RBBP4: variants seen among roughly 807,000 people sequenced by gnomAD.
RBBP4 encodes histone-binding protein RBBP4.
A neutral mutation model predicts 57.2 loss-of-function variants in RBBP4; 3 were observed. The observed-to-expected ratio is 0.05, with a 90% CI of 0.02 to 0.14. RBBP4 has a LOEUF of 0.14. Ranked by LOEUF, RBBP4 falls within the 10% of genes least tolerant of loss-of-function variation. RBBP4 has a pLI of 1.00. For missense variants in RBBP4, 107 were observed against 520.6 expected (o/e 0.21, Z 7.73); for synonymous variants, 151 against 171.5 (o/e 0.88, Z 0.93).
intron 3 of RBBP4, among the ~76,000 whole-genome samples, chr1:32,659,331 C>G (rs1396024724): frequency 2.0e-5 from 3 of 151,728 alleles, no homozygotes; most frequent in Non-Finnish European, 4.4e-5. Flanking sequence ...GAGGCTGAGA[C>G]CAGTGGATCA....
In RBBP4 at chr1:32,663,523, G is replaced by A. The variant is rs190809256; in HGVS notation, c.311-4702G>A. 2.4e-3 allele frequency among the ~76,000 whole-genome samples: 367 copies of A among 150,678 alleles called. 2 individuals are homozygous for A. The highest frequency in any genetic ancestry group is 8.4e-3 in the African/African-American group (344 of 40,972). On this transcript the variant is annotated intron_variant, in intron 3 of 11. Transcript: ENST00000373493. ...GGTGTGATCACAGCTCACTGCAGCC[G>A]CAGCCTCCCAAGCAGCTAGGACTTA...
rs943093412 is a variant in RBBP4, at chr1:32,664,928, C to G, written c.311-3297C>G. Among the ~76,000 whole-genome samples the G allele has an allele frequency of 1.7e-4, 26 of 152,010 alleles. 1 individual carries two copies. Among genetic ancestry groups the G allele is most frequent in the African/African-American group, 6.3e-4 (26 of 41,386 alleles). ...TCCTAAACGTGCAATAGCATTATGT[C>G]TAAAAAACAATGTACATACCTTAAT... On this transcript the variant is annotated intron_variant, in intron 3 of 11. Coordinates refer to ENST00000373493, the MANE Select transcript of RBBP4 (RefSeq NM_005610.3).
At position 32,680,060 on chromosome 1, in the gene RBBP4, A is replaced by G. The variant is rs1649326165; in HGVS notation, c.*355A>G. ...CTAGAGTGAGTAAGGAATAGAGCCA[A>G]ATGAGGTAGGTGTCTGAGCCATGAA... On this transcript the variant is annotated 3_prime_UTR_variant, in exon 12 of 12. Transcript: ENST00000373493. The G allele has an allele frequency of 9.3e-7, 1 of 1,078,970 alleles. No individual in the cohort carries two copies. The highest frequency in any genetic ancestry group is 3.5e-5 in the South Asian group (1 of 28,834). The allele number at this position is 1,078,970 out of a possible 1,614,324, so 66.8% of individuals were successfully genotyped here.
intron 2 of RBBP4, among the ~76,000 whole-genome samples, chr1:32,655,363 T>C (rs1288158046): frequency 6.6e-6 from 1 of 151,446 alleles, no homozygotes. Context: ...TTTTCTGGTG[T>C]TTACCCAGAT....
chr1:32,668,819 C>T lies in RBBP4; in HGVS notation c.565C>T (p.Leu189Phe). Reference sequence around the variant, plus strand: ...CTATGGGCTTTCTTGGAACCCAAATCTCAGTGGGCACTTACTTAGTGCTTC... The same window carrying T: ...CTATGGGCTTTCTTGGAACCCAAATTTCAGTGGGCACTTACTTAGTGCTTC... ...EGYGLSWNPN[L>F]SGHLLSASDD... The change falls in exon 5 of 12, where the codon CTC (leucine) becomes TTC (phenylalanine). Residue 189 changes from leucine to phenylalanine, a missense_variant. Physicochemically the swap from Leu to Phe is conservative, Grantham distance 22. Transcript: ENST00000373493. The T allele has an allele frequency of 6.2e-7, 1 of 1,614,210 alleles. No individual in the cohort carries two copies. The highest frequency in any genetic ancestry group is 8.5e-7 in the Non-Finnish European group (1 of 1,180,036).
At chr1:32,665,864 C>G (rs2148524280) in intron 3 of RBBP4, among the ~76,000 whole-genome samples, 1 of 152,252 alleles carries the variant, frequency 6.6e-6, no homozygotes, top group Non-Finnish European at 1.5e-5. Flanking sequence ...GGGTCTGACT[C>G]TTACTTTGGA....
chr1:32,660,324 G>T (rs1648344864), intron 3 of RBBP4, among the ~76,000 whole-genome samples: 1 of 152,144 alleles, frequency 6.6e-6, no homozygotes, highest in Non-Finnish European at 1.5e-5. Flanking sequence ...TTAGCTGACT[G>T]CAGCCTCCTT....
At chr1:32,654,454 T>C (rs985482859) in intron 2 of RBBP4, among the ~76,000 whole-genome samples, 1 of 152,230 alleles carries the variant, frequency 6.6e-6, no homozygotes, top group Non-Finnish European at 1.5e-5. Context: ...TATAGTCATA[T>C]GCTAAATTGT....
chr1:32,653,891 C>T (rs574168687), intron 2 of RBBP4, among the ~76,000 whole-genome samples: 1 of 151,952 alleles, frequency 6.6e-6, no homozygotes, highest in East Asian at 1.9e-4. Flanking sequence ...ATCTCCTGAC[C>T]TCATGATCCA....
chr1:32,664,142 A>G (rs1042775831), intron 3 of RBBP4, among the ~76,000 whole-genome samples: 8 of 152,052 alleles, frequency 5.3e-5, no homozygotes, highest in African/African-American at 1.7e-4. Flanking sequence ...GTTAGCCAGC[A>G]TAGTCTTGAT....
intron 3 of RBBP4, among the ~76,000 whole-genome samples, chr1:32,661,870 CTTTTTTTTTTTTTTTTTTTT>C (rs71006354): frequency 6.1e-5 from 3 of 49,288 alleles, no homozygotes; most frequent in Non-Finnish European, 7.2e-5. Context: ...CCTTTGCCCA[CTTTTTTTTTTTTTTTTTTTT>C]TTTTTTTTTT....
In RBBP4 at chr1:32,668,756, A is replaced by C. The variant is rs1323485366; in HGVS notation, c.502A>C (p.Asn168His). Residue 168 changes from asparagine (N) to histidine (H), a missense_variant, in exon 5 of 12, where the codon AAC becomes CAC. Around this residue, in one of 3 missense-constraint regions of RBBP4, gnomAD observed 92 missense variants for 408.5 expected, o/e 0.23. Coordinates refer to ENST00000373493, the MANE Select transcript of RBBP4 (RefSeq NM_005610.3). The stretch of plus-strand genomic sequence containing the variant: ...CTTTGCAGATCCTTCTGGAGAGTGC[A>C]ACCCAGACTTGCGTCTCCGTGGACA... ...PSKPDPSGEC[N>H]PDLRLRGHQK... 1 of 1,612,772 alleles carries C rather than the reference A, an allele frequency of 6.2e-7. No homozygotes were observed. Among genetic ancestry groups the C allele is most frequent in the Admixed American group, 1.7e-5 (1 of 59,998 alleles).
intron 2 of RBBP4, among the ~76,000 whole-genome samples, chr1:32,652,937 T>G (rs997155258): frequency 6.6e-6 from 1 of 152,216 alleles, no homozygotes; most frequent in African/African-American, 2.4e-5. Flanking sequence ...TATAAACTAA[T>G]AATTATAGTT....
At chr1:32,661,212 C>A (rs868047915) in intron 3 of RBBP4, among the ~76,000 whole-genome samples, 2 of 151,800 alleles carry the variant, frequency 1.3e-5, no homozygotes, top group East Asian at 1.9e-4. Flanking sequence ...TACAAGTGCA[C>A]GTGTCTTTTT....
Position 32,668,907 on chromosome 1 carries a change from C to G in RBBP4, c.600+53C>G, listed in dbSNP as rs576789637. 6.2e-6 allele frequency: 10 copies of G among 1,612,688 alleles called. No homozygotes were observed. In the Admixed American group the frequency reaches 1.3e-4, roughly 22 times the overall value. ...ATCTGGGCTAGTTACCAGTTGGTTT[C>G]TTTTTTGGGGTGTGTGGGGAGGTGA... On this transcript the variant is annotated intron_variant, in intron 5 of 11. Transcript: ENST00000373493.
chr1:32,680,453 A>C lies in RBBP4; in HGVS notation c.*748A>C. The C allele has an allele frequency of 6.6e-7, 1 of 1,522,162 alleles. No individual in the cohort carries two copies. The highest frequency in any genetic ancestry group is 1.3e-5 in the South Asian group (1 of 78,932). The allele number at this position is 1,522,162 out of a possible 1,614,324, so 94.3% of individuals were successfully genotyped here. A position where few individuals can be genotyped will look rare whatever the true frequency, so the allele number is the denominator to read the frequency against. On this transcript the variant is annotated 3_prime_UTR_variant, in exon 12 of 12. Transcript: ENST00000373493. ...CCACAGGTAGACTGTCAAGTTGAGA[A>C]GAGTGAATCAATAACTTGTATTTGT...
chr1:32,663,498 G>A (rs1027490786), intron 3 of RBBP4, among the ~76,000 whole-genome samples: 1 of 151,942 alleles, frequency 6.6e-6, no homozygotes, highest in Non-Finnish European at 1.5e-5. Context: ...GGAGTGCAGT[G>A]GTGTGATCAC....
chr1:32,651,486 G>C (rs895743860), intron 1 of RBBP4, 164 bp downstream of exon 1: 34 of 1,365,450 alleles, frequency 2.5e-5, no homozygotes, highest in Admixed American at 7.2e-5. Flanking sequence ...CGGCTCGCCA[G>C]TTCCCTGGGA....
intron 2 of RBBP4, among the ~76,000 whole-genome samples, chr1:32,656,107 C>T (rs182161463): frequency 6.6e-6 from 1 of 152,324 alleles, no homozygotes; most frequent in East Asian, 1.9e-4. Flanking sequence ...TTTCCCATAT[C>T]AGAAGTCAGA....
Sources: allele counts gnomAD v4.1 joint callset (sites outside exome capture counted in the v4.1 genomes callset), GRCh38; gene constraint gnomAD v4.1.1; regional missense constraint gnomAD v4.1.1; transcripts MANE v1.5; gene names NCBI Gene and HGNC (gene_info 2026-07-23, HGNC 2026-07-21).